CDH4: variants seen among roughly 807,000 people sequenced by gnomAD.
CDH4 encodes the protein cadherin 4.
In CDH4, 33 loss-of-function variants were observed where a neutral mutation model predicts 86.0. The observed-to-expected ratio is 0.38, with a 90% CI of 0.29 to 0.51. The LOEUF is 0.51. Ranked by LOEUF, CDH4 falls within the 20% of genes least tolerant of loss-of-function variation. The pLI is 0.86. For missense variants in CDH4, 1,114 were observed against 1,307.4 expected, an observed-to-expected ratio of 0.85 and a Z score of 2.28; for synonymous variants, 555 against 549.4, an observed-to-expected ratio of 1.01 and a Z score of -0.14.
chr20:61,749,186 A>T (rs2088456424), intron 3 of CDH4, among the ~76,000 whole-genome samples: 1 of 152,238 alleles, frequency 6.6e-6, no homozygotes, highest in South Asian at 2.1e-4. Flanking sequence ...GGAATCCTAA[A>T]TTTGTGTGCA....
At chr20:61,413,632 C>T (rs1600954622) in intron 2 of CDH4, among the ~76,000 whole-genome samples, 1 of 152,200 alleles carries the variant, frequency 6.6e-6, no homozygotes. Context: ...TCCTGCCTGG[C>T]CATGGCCTGG....
At chr20:61,824,691 T>C (rs1204845475) in intron 4 of CDH4, among the ~76,000 whole-genome samples, 1 of 152,220 alleles carries the variant, frequency 6.6e-6, no homozygotes, top group Non-Finnish European at 1.5e-5. Context: ...CCAGGTCACA[T>C]TTAATCCAGT....
At chr20:61,355,109 T>G (rs1055258884) in intron 2 of CDH4, among the ~76,000 whole-genome samples, 2 of 152,144 alleles carry the variant, frequency 1.3e-5, no homozygotes, top group African/African-American at 4.8e-5. Flanking sequence ...CTGCAGTCAT[T>G]GAGTAGGGAG....
At chr20:61,262,582 T>TA (rs1248743201) in intron 2 of CDH4, among the ~76,000 whole-genome samples, 4 of 152,136 alleles carry the variant, frequency 2.6e-5, no homozygotes, top group African/African-American at 7.2e-5. Context: ...CCTGCAGTGT[T>TA]AAAAAATCAC....
In CDH4 at chr20:61,319,688, G is replaced by C. The variant is rs528542801; in HGVS notation, c.169+64751G>C. 2.0e-5 allele frequency among the ~76,000 whole-genome samples: 3 copies of C among 152,010 alleles called. No homozygotes were observed. The South Asian group carries it at 6.2e-4, about 32-fold the overall frequency. ...TGGCTGGGCACAGTGGCGCATGCCT[G>C]TAATCCCAGCACTTTGGGAGGTGGA... On this transcript the variant is annotated intron_variant, in intron 2 of 15. Transcript: ENST00000614565.
At chr20:61,726,746 TCATCGTCAC>T (rs1301678758) in intron 2 of CDH4, among the ~76,000 whole-genome samples, 1 of 151,510 alleles carries the variant, frequency 6.6e-6, no homozygotes, top group African/African-American at 2.4e-5. Flanking sequence ...ATTGCTGCCA[TCATCGTCAC>T]CATCGGAGGC....
At chr20:61,295,500 G>A (rs539439618) in intron 2 of CDH4, among the ~76,000 whole-genome samples, 10 of 152,334 alleles carry the variant, frequency 6.6e-5, no homozygotes, top group Admixed American at 2.0e-4. Flanking sequence ...TTGCGGAGTG[G>A]AAGTAATCAG....
At chr20:61,271,101 T>G (rs761713447) in intron 2 of CDH4, among the ~76,000 whole-genome samples, 5 of 152,188 alleles carry the variant, frequency 3.3e-5, no homozygotes, top group African/African-American at 4.8e-5. Flanking sequence ...TGGGTCTGTC[T>G]TCACTTTTTG....
At position 61,544,585 on chromosome 20, in the gene CDH4, T is replaced by TGACC. The variant is rs2086063739; in HGVS notation, c.170-198976_170-198973dup. Among the ~76,000 whole-genome samples the TGACC allele has an allele frequency of 6.6e-6, 1 of 151,764 alleles. No individual in the cohort carries two copies. Among genetic ancestry groups the TGACC allele is most frequent in the African/African-American group, 2.4e-5 (1 of 41,314 alleles). On this transcript the variant is annotated intron_variant, in intron 2 of 15. Coordinates refer to ENST00000614565, the MANE Select transcript of CDH4 (RefSeq NM_001794.5). The surrounding 1 kb of genome is among the most constrained non-coding windows in gnomAD (Gnocchi z 6.5). Reference sequence around the variant, plus strand: ...CGGGATCCCTGCGTTGACGGTGGCATGACCGTGTGTGATGGGATGTGCCGG... The same window carrying TGACC: ...CGGGATCCCTGCGTTGACGGTGGCATGACCGACCGTGTGTGATGGGATGTGCCGG...
At chr20:61,533,264 G>A (rs1026856923) in intron 2 of CDH4, among the ~76,000 whole-genome samples, 1 of 152,224 alleles carries the variant, frequency 6.6e-6, no homozygotes, top group Non-Finnish European at 1.5e-5. Flanking sequence ...AGGGCGATGG[G>A]GGGCAGGCCT....
At chr20:61,270,146 GCT>G (rs1356059539) in intron 2 of CDH4, among the ~76,000 whole-genome samples, 3 of 152,194 alleles carry the variant, frequency 2.0e-5, no homozygotes, top group Non-Finnish European at 4.4e-5. Flanking sequence ...CTTATTTAAA[GCT>G]CTGTTAGGCT....
At chr20:61,905,242 T>C (rs2054776256) in intron 8 of CDH4, among the ~76,000 whole-genome samples, 1 of 152,210 alleles carries the variant, frequency 6.6e-6, no homozygotes, top group African/African-American at 2.4e-5. Flanking sequence ...GGAAGGTTAA[T>C]AAGAAAATTC....
chr20:61,792,489 G>A (rs892932329), intron 4 of CDH4, among the ~76,000 whole-genome samples: 3 of 152,148 alleles, frequency 2.0e-5, no homozygotes, highest in African/African-American at 7.2e-5. Context: ...GCTGATTCCC[G>A]GGCTCTGTGT....
At chr20:61,726,611 C>CCATCACTGCCATCATCAT (rs2088114543) in intron 2 of CDH4, among the ~76,000 whole-genome samples, 1 of 151,832 alleles carries the variant, frequency 6.6e-6, no homozygotes, top group Non-Finnish European at 1.5e-5. Context: ...GCCATCATCA[C>CCATCACTGCCATCATCAT]CATCACTGCC....
rs147756201 is a variant in CDH4 at position 61,351,588 on chromosome 20, G to A, written c.169+96651G>A. 3.5e-3 allele frequency among the ~76,000 whole-genome samples: 540 copies of A among 152,284 alleles called. 5 individuals are homozygous for A. The highest frequency in any genetic ancestry group is 0.012 in the African/African-American group (489 of 41,554). On this transcript the variant is annotated intron_variant, in intron 2 of 15. Transcript: ENST00000614565. ...AGGTATGTATGTGTATGGGGGGGAC[G>A]TGAGATGTTTTGATACAGGCGTAGA...
intron 2 of CDH4, among the ~76,000 whole-genome samples, chr20:61,637,783 G>A (rs1399734371): frequency 6.6e-6 from 1 of 152,180 alleles, no homozygotes; most frequent in Non-Finnish European, 1.5e-5. Context: ...CACTTTGGGA[G>A]GCGGAGGCGG....
In CDH4 at chr20:61,556,875, C is replaced by A. The variant is rs527906857; in HGVS notation, c.170-186688C>A. On this transcript the variant is annotated intron_variant, in intron 2 of 15. Coordinates refer to ENST00000614565, the MANE Select transcript of CDH4 (RefSeq NM_001794.5). ...CGACCACAACTCCGGGGCAACAACA[C>A]CGAGAACACGTGAGGCGCCGCCATC... Among the ~76,000 whole-genome samples, 4 of 152,318 alleles carry A rather than the reference C, an allele frequency of 2.6e-5. No homozygotes were observed. In the East Asian group the frequency reaches 7.7e-4, roughly 29 times the overall value.
At chr20:61,818,708 G>C (rs565335846) in intron 4 of CDH4, among the ~76,000 whole-genome samples, 2 of 148,500 alleles carry the variant, frequency 1.3e-5, no homozygotes, top group Non-Finnish European at 3.0e-5. Flanking sequence ...AAAAAAAAGC[G>C]GGAAGTTGCT....
intron 2 of CDH4, among the ~76,000 whole-genome samples, chr20:61,563,173 C>T (rs895808122): frequency 6.6e-6 from 1 of 151,846 alleles, no homozygotes; most frequent in Non-Finnish European, 1.5e-5. Context: ...CAAGGGCCCA[C>T]GGGGAGCCCA....
Sources: allele counts gnomAD v4.1 joint callset (sites outside exome capture counted in the v4.1 genomes callset), GRCh38; gene constraint gnomAD v4.1.1; non-coding constraint Gnocchi (gnomAD v3.1); transcripts MANE v1.5; gene names NCBI Gene and HGNC (gene_info 2026-07-23, HGNC 2026-07-21).